Variants in CARMIL1 observed in about 807,000 individuals in gnomAD.
CARMIL1 encodes F-actin-uncapping protein LRRC16A.
CARMIL1 carries 90 observed loss-of-function variants against 177.1 expected under a neutral mutation model. The ratio of observed to expected loss-of-function variants is 0.51; its 90% CI spans 0.43 to 0.61. The LOEUF (loss-of-function observed/expected upper bound fraction) is 0.61. CARMIL1 is among the 20% of genes least tolerant of loss of function. CARMIL1 has a pLI of 0.00. For missense variants in CARMIL1, 1,380 were observed against 1,667.0 expected, an observed-to-expected ratio of 0.83 and a Z score of 3.00; for synonymous variants, 577 against 606.2, an observed-to-expected ratio of 0.95 and a Z score of 0.71.
intron 2 of CARMIL1, among the ~76,000 whole-genome samples, chr6:25,403,275 C>T (rs1225509922): frequency 7.2e-5 from 11 of 152,116 alleles, no homozygotes. Context: ...CCAATGGGCT[C>T]CATCATCAGT....
chr6:25,613,931 C>T (rs1052375912), intron 36 of CARMIL1, among the ~76,000 whole-genome samples: 3 of 152,140 alleles, frequency 2.0e-5, no homozygotes, highest in Non-Finnish European at 4.4e-5. Context: ...TTTCAGAATA[C>T]AAGTTAATGG....
At chr6:25,590,863 G>C (rs967324358) in intron 31 of CARMIL1, among the ~76,000 whole-genome samples, 13 of 151,850 alleles carry the variant, frequency 8.6e-5, no homozygotes, top group African/African-American at 2.9e-4. Flanking sequence ...TTTAATGCCT[G>C]TTCTCTTAAT....
chr6:25,285,648 T>TTTA (rs1402380997), intron 2 of CARMIL1, among the ~76,000 whole-genome samples: 7,557 of 152,182 alleles, frequency 0.05, 587 homozygotes, highest in African/African-American at 0.16. Context: ...ATGGAGAGAA[T>TTTA]ACTGTTTAAC....
At chr6:25,540,127 C>G in intron 26 of CARMIL1, 49 bp downstream of exon 26, 1 of 1,498,852 alleles carries the variant, frequency 6.7e-7, no homozygotes, top group Non-Finnish European at 9.0e-7. Flanking sequence ...TATTTAACTA[C>G]GCATGATAGC....
chr6:25,421,966 C>T (rs1188538518), intron 3 of CARMIL1, among the ~76,000 whole-genome samples: 2 of 151,062 alleles, frequency 1.3e-5, no homozygotes, highest in East Asian at 1.9e-4. Flanking sequence ...CACATGTATA[C>T]ATATGTAACT....
rs535745847 is a variant in CARMIL1 at position 25,527,878 on chromosome 6, T to C, written c.1969-917T>C. On this transcript the variant is annotated intron_variant, in intron 23 of 36. Transcript: ENST00000329474. ...ATACTTAGCGCTTCAGAGTTATTAG[T>C]TAGTTCTTAACCAGGGAACTGCTGT... Among the ~76,000 whole-genome samples the C allele has an allele frequency of 2.0e-5, 3 of 152,312 alleles. No individual in the cohort carries two copies. In the East Asian group the frequency reaches 5.8e-4, roughly 29 times the overall value.
intron 4 of CARMIL1, among the ~76,000 whole-genome samples, chr6:25,429,607 T>A (rs1403488806): frequency 1.3e-5 from 2 of 152,200 alleles, no homozygotes; most frequent in Non-Finnish European, 2.9e-5. Context: ...TGTAGGTTTT[T>A]AAAATAGATG....
chr6:25,451,986 G>GGGGGGGGGGGGGGCCCCC, intron 8 of CARMIL1: 1 of 112,672 alleles, frequency 8.9e-6, no homozygotes, highest in East Asian at 2.0e-4. Flanking sequence ...CTAGCATCTT[G>GGGGGGGGGGGGGGCCCCC]CCCCCCCCTC....
At position 25,472,469 on chromosome 6, in the gene CARMIL1, C is replaced by T; in HGVS notation, c.822C>T (p.Pro274=). 6.3e-7 allele frequency: 1 copy of T among 1,583,684 alleles called. No individual in the cohort carries two copies. The highest frequency in any genetic ancestry group is 8.6e-7 in the Non-Finnish European group (1 of 1,164,072). The part of the protein sequence containing the change: ...QKLASALAHN[P]NSGLHTINLA... ...TGGCCAGTGCTCTAGCACATAATCC[C>T]AACTCAGGACTCCACACAATTAACC... The change falls in exon 11 of 37, where the codon CCC becomes CCT. Residue 274 remains proline (P), a synonymous_variant. Transcript: ENST00000329474.
intron 36 of CARMIL1, among the ~76,000 whole-genome samples, chr6:25,610,552 T>C (rs560448837): frequency 6.6e-6 from 1 of 152,304 alleles, no homozygotes; most frequent in East Asian, 1.9e-4. Context: ...ATGAAATCTT[T>C]TCCTAGTCGT....
At chr6:25,366,622 A>G (rs541962358) in intron 2 of CARMIL1, among the ~76,000 whole-genome samples, 1 of 151,014 alleles carries the variant, frequency 6.6e-6, no homozygotes, top group Admixed American at 6.6e-5. Context: ...ACCTTTTAGA[A>G]TAGTGCCTGG....
At chr6:25,297,414 A>G (rs893615713) in intron 2 of CARMIL1, among the ~76,000 whole-genome samples, 2 of 152,218 alleles carry the variant, frequency 1.3e-5, no homozygotes, top group South Asian at 2.1e-4. Context: ...TTGCCTTTCT[A>G]GAAAAAAACT....
intron 29 of CARMIL1, among the ~76,000 whole-genome samples, chr6:25,568,256 G>A (rs1362293299): frequency 6.6e-6 from 1 of 152,078 alleles, no homozygotes; most frequent in Non-Finnish European, 1.5e-5. Context: ...ATGTGTTTCT[G>A]ACTTATTTGA....
chr6:25,280,276 G>A (rs945425819), intron 1 of CARMIL1, among the ~76,000 whole-genome samples: 1 of 152,194 alleles, frequency 6.6e-6, no homozygotes, highest in African/African-American at 2.4e-5. Flanking sequence ...GCGCACAGTA[G>A]GTCGTCTCCG....
intron 2 of CARMIL1, among the ~76,000 whole-genome samples, chr6:25,338,316 G>A (rs1360153250): frequency 6.6e-6 from 1 of 151,992 alleles, no homozygotes; most frequent in Non-Finnish European, 1.5e-5. Flanking sequence ...GTATTTTATA[G>A]TTACAAATAC....
intron 29 of CARMIL1, among the ~76,000 whole-genome samples, chr6:25,575,416 A>T (rs992218841): frequency 6.6e-6 from 1 of 152,170 alleles, no homozygotes; most frequent in Non-Finnish European, 1.5e-5. Flanking sequence ...CTTTAGGTGG[A>T]TAATTGGGAC....
intron 29 of CARMIL1, among the ~76,000 whole-genome samples, chr6:25,576,154 A>G (rs1812564983): frequency 6.6e-6 from 1 of 152,184 alleles, no homozygotes; most frequent in Non-Finnish European, 1.5e-5. Context: ...ATTATCATTC[A>G]TTCAGACTAA....
intron 26 of CARMIL1, among the ~76,000 whole-genome samples, chr6:25,548,642 G>C (rs1161674908): frequency 1.3e-5 from 2 of 152,114 alleles, no homozygotes; most frequent in African/African-American, 4.8e-5. Flanking sequence ...CTTTCTCCCA[G>C]CCCTGCCACT....
intron 36 of CARMIL1, among the ~76,000 whole-genome samples, chr6:25,617,584 A>C (rs1258844629): frequency 6.6e-6 from 1 of 152,198 alleles, no homozygotes; most frequent in Admixed American, 6.5e-5. Context: ...AACGATGAAA[A>C]ATATTTTCTA....
Sources: gnomAD v4.1 joint callset for allele counts (sites outside exome capture counted in the v4.1 genomes callset) on GRCh38, gnomAD v4.1.1 for gene constraint, MANE v1.5 for transcripts, NCBI Gene and HGNC (gene_info 2026-07-23, HGNC 2026-07-21) for gene names.